LDLRAD4: variants seen among roughly 807,000 people sequenced by gnomAD.
LDLRAD4 encodes the protein low density lipoprotein receptor class A domain containing 4.
A neutral mutation model predicts 17.0 loss-of-function variants in LDLRAD4; 5 were observed. That is an observed-to-expected ratio of 0.29 (90% CI 0.15 to 0.62). LDLRAD4 has a LOEUF of 0.62. LDLRAD4 is among the 20% of genes least tolerant of loss of function. The pLI is 0.84. For synonymous variants in LDLRAD4, 168 were observed against 171.8 expected (o/e 0.98, Z 0.17); for missense variants, 340 against 424.7 (o/e 0.80, Z 1.75).
intron 4 of LDLRAD4, among the ~76,000 whole-genome samples, chr18:13,632,586 C>T (rs771747003): frequency 6.6e-6 from 1 of 152,214 alleles, no homozygotes; most frequent in African/African-American, 2.4e-5. Context: ...GTGTCACAGC[C>T]CTGGCCAGGA....
At chr18:13,410,134 T>C (rs61281944) in intron 2 of LDLRAD4, among the ~76,000 whole-genome samples, 8,978 of 151,918 alleles carry the variant, frequency 0.059, 605 homozygotes, top group African/African-American at 0.16. Flanking sequence ...TTTTCAAAAG[T>C]GTCAAGGCTC....
At chr18:13,497,012 CAGTA>C (rs939431796) in intron 3 of LDLRAD4, among the ~76,000 whole-genome samples, 97 of 152,282 alleles carry the variant, frequency 6.4e-4, no homozygotes, top group African/African-American at 2.0e-3. Flanking sequence ...TCAAGAAAAG[CAGTA>C]AGTAAGATGA....
At chr18:13,280,795 C>T (rs150374742) in intron 1 of LDLRAD4, among the ~76,000 whole-genome samples, 30 of 152,300 alleles carry the variant, frequency 2.0e-4, no homozygotes, top group African/African-American at 6.0e-4. Flanking sequence ...CTGAAGGCAC[C>T]GGTGCAGACC....
At chr18:13,600,693 A>G (rs952606823) in intron 3 of LDLRAD4, among the ~76,000 whole-genome samples, 2 of 152,226 alleles carry the variant, frequency 1.3e-5, no homozygotes, top group South Asian at 4.1e-4. Context: ...TCAGAGGATG[A>G]ATGGTGATAG....
intron 3 of LDLRAD4, among the ~76,000 whole-genome samples, chr18:13,584,946 C>A (rs1219203982): frequency 6.6e-6 from 1 of 152,354 alleles, no homozygotes; most frequent in South Asian, 2.1e-4. Flanking sequence ...ATTAGGGTGT[C>A]CTTATCCTTC....
exon 2 of LDLRAD4, chr18:13,387,666 C>T (rs377305772): frequency 1.0e-4 from 160 of 1,538,094 alleles, no homozygotes; most frequent in East Asian, 1.1e-4. Flanking sequence ...CCTCGCCCGG[C>T]GGCTTCCTCG....
intron 3 of LDLRAD4, among the ~76,000 whole-genome samples, chr18:13,454,282 G>A (rs954814755): frequency 6.6e-6 from 1 of 152,184 alleles, no homozygotes; most frequent in African/African-American, 2.4e-5. Context: ...TCTAGTTGGA[G>A]TTTCTGAGCA....
At position 13,474,335 on chromosome 18, in the gene LDLRAD4, T is replaced by C. The variant is rs374375259; in HGVS notation, c.181+35951T>C. Among the ~76,000 whole-genome samples the C allele has an allele frequency of 9.9e-4, 151 of 152,242 alleles. 1 individual carries two copies. The highest frequency in any genetic ancestry group is 3.5e-3 in the African/African-American group (145 of 41,574). Reference sequence around the variant, plus strand: ...TCAACCAGCCCAGCCCCTGCAGCCCTTGGGCTGCACATTTCCTAGGTCAGC... The same window carrying C: ...TCAACCAGCCCAGCCCCTGCAGCCCCTGGGCTGCACATTTCCTAGGTCAGC... On this transcript the variant is annotated intron_variant, in intron 3 of 5. Coordinates refer to ENST00000359446, the Ensembl canonical transcript of LDLRAD4.
intron 1 of LDLRAD4, among the ~76,000 whole-genome samples, chr18:13,306,204 A>G (rs1445691580): frequency 1.3e-5 from 2 of 152,262 alleles, no homozygotes; most frequent in Non-Finnish European, 2.9e-5. Context: ...TGGATAGGCT[A>G]ACTCTTATCA....
chr18:13,455,078 A>G (rs2092055139), intron 3 of LDLRAD4, among the ~76,000 whole-genome samples: 1 of 152,162 alleles, frequency 6.6e-6, no homozygotes, highest in South Asian at 2.1e-4. Flanking sequence ...GGACACCTGT[A>G]TGTGCAGGAG....
chr18:13,387,605 C>T (rs2085929812), exon 2 of LDLRAD4: 12 of 941,244 alleles, frequency 1.3e-5, no homozygotes, highest in Non-Finnish European at 1.9e-5. Flanking sequence ...TCCCAGAGGC[C>T]GGCCCAGCAG....
chr18:13,438,946 T>C (rs1568151370), intron 3 of LDLRAD4, among the ~76,000 whole-genome samples: 1 of 152,220 alleles, frequency 6.6e-6, no homozygotes, highest in Admixed American at 6.5e-5. Context: ...TTCGATCTCA[T>C]GGTTTTTGTG....
Position 13,306,659 on chromosome 18 carries a change from G to A in LDLRAD4, c.-383+28471G>A, listed in dbSNP as rs76260151. On this transcript the variant is annotated intron_variant, in intron 1 of 5. Coordinates refer to ENST00000359446, the Ensembl canonical transcript of LDLRAD4. The stretch of plus-strand genomic sequence containing the variant: ...ATCTGAAAGGATTTCACCATTGAAG[G>A]TGCCACTGTTGTAACAGAAAAAACT... Among the ~76,000 whole-genome samples, 1,047 of 152,294 alleles carry A rather than the reference G, an allele frequency of 6.9e-3. 13 individuals carry two copies. The highest frequency in any genetic ancestry group is 0.024 in the African/African-American group (996 of 41,548).
rs574371966 is a variant in LDLRAD4 at position 13,608,570 on chromosome 18, A to G, written c.182-12547A>G. 3.9e-5 allele frequency among the ~76,000 whole-genome samples: 6 copies of G among 152,318 alleles called. 1 individual carries two copies. Among genetic ancestry groups the G allele is most frequent in the Middle Eastern group, 6.8e-3 (2 of 294 alleles). On this transcript the variant is annotated intron_variant, in intron 3 of 5. Coordinates refer to ENST00000359446, the Ensembl canonical transcript of LDLRAD4. The stretch of plus-strand genomic sequence containing the variant: ...CTTGGAGTGGCTGGATGAGAGCTGA[A>G]ATCTCAGCTGATCACCTCCAATCAA...
intron 1 of LDLRAD4, among the ~76,000 whole-genome samples, chr18:13,231,831 C>G (rs1165357887): frequency 6.6e-6 from 1 of 152,156 alleles, no homozygotes; most frequent in African/African-American, 2.4e-5. Flanking sequence ...GTTTCTTCTT[C>G]TCTAATGTGG....
intron 1 of LDLRAD4, among the ~76,000 whole-genome samples, chr18:13,245,001 C>T (rs2042885847): frequency 6.6e-6 from 1 of 152,208 alleles, no homozygotes. Context: ...GCACTGCTTC[C>T]TCTGCACATG....
At chr18:13,467,727 C>T (rs2092661738) in intron 3 of LDLRAD4, among the ~76,000 whole-genome samples, 2 of 152,190 alleles carry the variant, frequency 1.3e-5, no homozygotes, top group African/African-American at 4.8e-5. Flanking sequence ...TCACACTTCC[C>T]AGTTTCAAAA....
At chr18:13,510,559 A>G (rs1213666972) in intron 3 of LDLRAD4, among the ~76,000 whole-genome samples, 1 of 152,194 alleles carries the variant, frequency 6.6e-6, no homozygotes, top group Non-Finnish European at 1.5e-5. Context: ...AAAAGACTAC[A>G]TATTGGGTAC....
intron 1 of LDLRAD4, among the ~76,000 whole-genome samples, chr18:13,370,914 T>G (rs1470918531): frequency 6.6e-6 from 1 of 152,064 alleles, no homozygotes; most frequent in Non-Finnish European, 1.5e-5. Context: ...TTTCACCATA[T>G]TGACCAGACT....
Sources: gnomAD v4.1 joint callset for allele counts (sites outside exome capture counted in the v4.1 genomes callset) on GRCh38, gnomAD v4.1.1 for gene constraint, MANE v1.5 for transcripts, NCBI Gene and HGNC (gene_info 2026-07-23, HGNC 2026-07-21) for gene names.